CACNA1D: variants seen among roughly 807,000 people sequenced by gnomAD.
The protein encoded by CACNA1D is calcium voltage-gated channel subunit alpha1 D, also known as voltage-dependent L-type calcium channel subunit alpha-1D.
A neutral mutation model predicts 257.1 loss-of-function variants in CACNA1D; 55 were observed. The ratio of observed to expected loss-of-function variants is 0.21; its 90% CI spans 0.17 to 0.27. The LOEUF (loss-of-function observed/expected upper bound fraction) is 0.27. Ranked by LOEUF, CACNA1D falls within the 10% of genes least tolerant of loss-of-function variation. The probability of loss-of-function intolerance (pLI) is 1.00; values close to 1 mark genes in which losing one functional copy is unlikely to be tolerated. For synonymous variants in CACNA1D, 980 were observed against 1,014.9 expected (o/e 0.97, Z 0.65); for missense variants, 1,876 against 2,784.0 (o/e 0.67, Z 7.34).
chr3:53,791,656 C>G (rs1011347189), intron 40 of CACNA1D: 1 of 152,502 alleles, frequency 6.6e-6, no homozygotes, highest in East Asian at 1.9e-4. Flanking sequence ...TCAGATACAC[C>G]CATTGAAACT....
chr3:53,681,807 A>C (rs2094432516), intron 8 of CACNA1D, among the ~76,000 whole-genome samples: 1 of 152,236 alleles, frequency 6.6e-6, no homozygotes, highest in Admixed American at 6.5e-5. Context: ...GGGTAGGAGC[A>C]TCCTGGAAGT....
chr3:53,799,777 C>T (rs2095526800), intron 40 of CACNA1D: 1 of 238,328 alleles, frequency 4.2e-6, no homozygotes, highest in East Asian at 1.0e-4. Flanking sequence ...TCTGCTTGTG[C>T]CTCTGGCACC....
At chr3:53,566,619 C>G (rs1411715281) in intron 3 of CACNA1D, among the ~76,000 whole-genome samples, 1 of 152,166 alleles carries the variant, frequency 6.6e-6, no homozygotes, top group South Asian at 2.1e-4. Context: ...GCTGTTTCTT[C>G]CACACATGTG....
chr3:53,520,186 T>C (rs2107330572), intron 3 of CACNA1D, among the ~76,000 whole-genome samples: 1 of 152,358 alleles, frequency 6.6e-6, no homozygotes, highest in African/African-American at 2.4e-5. Flanking sequence ...CTAGGTCATA[T>C]GGTAACTTTC....
At chr3:53,498,610 G>A (rs1263727308) in intron 2 of CACNA1D, among the ~76,000 whole-genome samples, 1 of 152,132 alleles carries the variant, frequency 6.6e-6, no homozygotes, top group Non-Finnish European at 1.5e-5. Flanking sequence ...GGCCCAGAAG[G>A]ATGGAGGGGC....
At chr3:53,805,253 A>G in intron 45 of CACNA1D, 107 bp downstream of exon 45, 1 of 1,091,218 alleles carries the variant, frequency 9.2e-7, no homozygotes, top group South Asian at 1.3e-5. Flanking sequence ...CCAGGTCAGG[A>G]TCCTTAGTCC....
chr3:53,693,186 T>C (rs2094543524), intron 8 of CACNA1D, among the ~76,000 whole-genome samples: 1 of 152,260 alleles, frequency 6.6e-6, no homozygotes, highest in Non-Finnish European at 1.5e-5. Context: ...GTTTCATGAC[T>C]GCTGCTGGAG....
intron 3 of CACNA1D, among the ~76,000 whole-genome samples, chr3:53,531,582 C>A (rs1323346269): frequency 1.3e-5 from 2 of 152,158 alleles, no homozygotes; most frequent in Non-Finnish European, 1.5e-5. Context: ...GATTGACCCC[C>A]CTGGACTATT....
chr3:53,732,681 C>T (rs2095009549), intron 18 of CACNA1D, 134 bp from the exon 19 acceptor site: 1 of 827,566 alleles, frequency 1.2e-6, no homozygotes, highest in Non-Finnish European at 2.1e-6. Flanking sequence ...TCTGAAGGAG[C>T]AGGAGGGTTT....
intron 8 of CACNA1D, 93 bp from the exon 9 acceptor site, chr3:53,702,548 T>G: frequency 8.2e-7 from 1 of 1,222,140 alleles, no homozygotes. Flanking sequence ...CTGTGTGTCC[T>G]GCCCACAAGA....
At chr3:53,724,205 T>G (rs1160683726) in intron 14 of CACNA1D, among the ~76,000 whole-genome samples, 1 of 152,242 alleles carries the variant, frequency 6.6e-6, no homozygotes, top group Admixed American at 6.5e-5. Flanking sequence ...TGTAATTTTT[T>G]TAAAGACTTC....
Position 53,776,739 on chromosome 3 carries a change from A to G in CACNA1D, c.4490+9A>G, listed in dbSNP as rs1385131113. On this transcript the variant is annotated intron_variant, in intron 36 of 47. Coordinates refer to ENST00000350061, the MANE Select transcript of CACNA1D (RefSeq NM_001128840.3). ...TATGACCCTGAGGCAAAGTAGGTTG[A>G]AAAATATTTGATTTGGCGTGTGTGG... 3.7e-6 allele frequency: 6 copies of G among 1,614,222 alleles called. No homozygotes were observed. The highest frequency in any genetic ancestry group is 5.1e-6 in the Non-Finnish European group (6 of 1,180,044).
Position 53,660,213 on chromosome 3 carries a change from A to G in CACNA1D, c.704A>G (p.Asp235Gly), listed in dbSNP as rs1477755509. The G allele has an allele frequency of 2.5e-6, 4 of 1,613,964 alleles. No homozygotes were observed. In the Admixed American group the frequency reaches 6.7e-5, roughly 27 times the overall value. ...TCAAGCGGCAAATCTGGAGGCTTTG[A>G]TGTCAAAGCCCTCCGTGCCTTTCGA... is the stretch of plus-strand genomic sequence containing the variant. ...NHSSGKSGGF[D>G]VKALRAFRVL... The change falls in exon 5 of 48, where the codon GAT (aspartate) becomes GGT (glycine). Residue 235 changes from aspartate (D) to glycine (G), a missense_variant. Physicochemically the swap from Asp to Gly is moderately conservative, Grantham distance 94. Transcript: ENST00000350061.
intron 3 of CACNA1D, among the ~76,000 whole-genome samples, chr3:53,544,103 A>T (rs1429679603): frequency 6.6e-6 from 1 of 152,120 alleles, no homozygotes; most frequent in Non-Finnish European, 1.5e-5. Context: ...TACAAATCAT[A>T]ATCAGGATAT....
intron 3 of CACNA1D, among the ~76,000 whole-genome samples, chr3:53,622,309 T>A (rs544211643): frequency 6.6e-6 from 1 of 152,346 alleles, no homozygotes; most frequent in South Asian, 2.1e-4. Context: ...TTAGGCAGTT[T>A]CTTATAAGGC....
intron 3 of CACNA1D, among the ~76,000 whole-genome samples, chr3:53,624,138 G>T (rs11918357): frequency 2.6e-5 from 4 of 152,158 alleles, no homozygotes; most frequent in African/African-American, 9.7e-5. Flanking sequence ...CATCCTTCTA[G>T]ATAGCAATAT....
intron 3 of CACNA1D, among the ~76,000 whole-genome samples, chr3:53,562,776 A>G (rs1298450075): frequency 1.3e-5 from 2 of 152,220 alleles, no homozygotes; most frequent in Admixed American, 6.5e-5. Context: ...GTATTCATTC[A>G]TTTTGAATTC....
Position 53,811,209 on chromosome 3 carries a change from G to C in CACNA1D, c.6289G>C (p.Asp2097His). The C allele has an allele frequency of 6.2e-7, 1 of 1,613,768 alleles. No individual in the cohort carries two copies. Among genetic ancestry groups the C allele is most frequent in the Non-Finnish European group, 8.5e-7 (1 of 1,179,776 alleles). Residue 2097 changes from aspartate (D) to histidine (H), a missense_variant, in exon 48 of 48, where the codon GAC becomes CAC. This residue lies in a region of CACNA1D where 491 missense variants were observed against 554.3 expected (regional missense o/e 0.89). Transcript: ENST00000350061. The surrounding 1 kb of genome is among the most constrained non-coding windows in gnomAD (Gnocchi z 4.2). The part of the protein sequence containing the change: ...EIADACDLTI[D>H]EMESAASTLL... ...CGCTGATGCCTGTGACCTCACCATC[G>C]ACGAGATGGAGAGTGCAGCCAGCAC...
chr3:53,592,933 T>C (rs11927005), intron 3 of CACNA1D, among the ~76,000 whole-genome samples: 15,567 of 152,176 alleles, frequency 0.1, 953 homozygotes, highest in East Asian at 0.18. Flanking sequence ...AGGTGATCTG[T>C]CCGCCTCAGC....
Sources: gnomAD v4.1 joint callset for allele counts (sites outside exome capture counted in the v4.1 genomes callset) on GRCh38, gnomAD v4.1.1 for gene constraint, gnomAD v4.1.1 regional missense constraint, Gnocchi (gnomAD v3.1) non-coding constraint, MANE v1.5 for transcripts, NCBI Gene and HGNC (gene_info 2026-07-23, HGNC 2026-07-21) for gene names.